The following KLHDC1 variants were observed in gnomAD, a reference collection of about 807,000 sequenced individuals.
KLHDC1 encodes kelch domain-containing protein 1.
KLHDC1 carries 53 observed loss-of-function variants against 68.3 expected under a neutral mutation model. The ratio of observed to expected loss-of-function variants is 0.78; its 90% CI spans 0.62 to 0.98. The LOEUF is 0.98. Ranked by LOEUF, KLHDC1 falls within the 50% of genes least tolerant of loss-of-function variation. The probability of loss-of-function intolerance (pLI) is 0.00; values close to 1 mark genes in which losing one functional copy is unlikely to be tolerated. For missense variants in KLHDC1, 470 were observed against 492.3 expected, an observed-to-expected ratio of 0.95 and a Z score of 0.43; for synonymous variants, 148 against 159.0, an observed-to-expected ratio of 0.93 and a Z score of 0.52.
chr14:49,698,590 A>G (rs1887810045), intron 1 of KLHDC1, among the ~76,000 whole-genome samples: 1 of 151,230 alleles, frequency 6.6e-6, no homozygotes, highest in Non-Finnish European at 1.5e-5. Flanking sequence ...ATCTCGGCTC[A>G]CTGCAACCTC....
At chr14:49,710,478 A>C in intron 4 of KLHDC1, 97 bp downstream of exon 4, 1 of 662,060 alleles carries the variant, frequency 1.5e-6, no homozygotes. Flanking sequence ...AGTTTTTTTC[A>C]GGATTGCAAT....
At chr14:49,721,043 A>C (rs958494154) in intron 4 of KLHDC1, among the ~76,000 whole-genome samples, 1 of 152,064 alleles carries the variant, frequency 6.6e-6, no homozygotes, top group African/African-American at 2.4e-5. Context: ...TCTTTCTGCT[A>C]TTAGTATCCT....
chr14:49,709,971 T>C, intron 3 of KLHDC1, 145 bp downstream of exon 3: 2 of 533,596 alleles, frequency 3.7e-6, no homozygotes, highest in Non-Finnish European at 6.5e-6. Context: ...GGGTTGAAAA[T>C]GCAGCAGTCC....
At chr14:49,745,388 C>T (rs1040008490) in intron 12 of KLHDC1, among the ~76,000 whole-genome samples, 1 of 152,176 alleles carries the variant, frequency 6.6e-6, no homozygotes, top group South Asian at 2.1e-4. Flanking sequence ...ATTGCAAGTT[C>T]CTCATATGCA....
intron 4 of KLHDC1, among the ~76,000 whole-genome samples, chr14:49,719,708 G>A (rs1317873385): frequency 1.3e-5 from 2 of 152,008 alleles, no homozygotes; most frequent in African/African-American, 4.8e-5. Context: ...TGGGATTACA[G>A]GCGTGAGCCA....
intron 1 of KLHDC1, among the ~76,000 whole-genome samples, chr14:49,701,098 A>G (rs1319509255): frequency 6.6e-6 from 1 of 152,048 alleles, no homozygotes; most frequent in East Asian, 1.9e-4. Context: ...AAAAAGAAAA[A>G]AGAAAAAAAC....
chr14:49,717,136 T>C (rs1888399794), intron 4 of KLHDC1, among the ~76,000 whole-genome samples: 1 of 152,208 alleles, frequency 6.6e-6, no homozygotes, highest in African/African-American at 2.4e-5. Context: ...TTGGGTTGTG[T>C]CTACCTTTTC....
chr14:49,721,104 C>T (rs1238049455), intron 4 of KLHDC1, among the ~76,000 whole-genome samples: 3 of 152,052 alleles, frequency 2.0e-5, no homozygotes, highest in Admixed American at 2.0e-4. Flanking sequence ...GTCTAGACCA[C>T]CTCTGAGTCT....
chr14:49,737,828 G>GCACTC (rs1888964809), intron 10 of KLHDC1, among the ~76,000 whole-genome samples: 1 of 138,386 alleles, frequency 7.2e-6, no homozygotes, highest in Admixed American at 8.0e-5. Flanking sequence ...TTGTGCCACT[G>GCACTC]CACTCCAGCC....
In KLHDC1 at chr14:49,693,198, G is replaced by A. The variant is rs1278164134; in HGVS notation, c.4G>A (p.Ala2Thr). The A allele has an allele frequency of 1.3e-6, 2 of 1,583,780 alleles. No homozygotes were observed. Among genetic ancestry groups the A allele is most frequent in the Non-Finnish European group, 1.7e-6 (2 of 1,166,804 alleles). The part of the protein sequence containing the change: M[A>T]DSQLFCVAEE... The stretch of plus-strand genomic sequence containing the variant: ...CGGCGGGCCAGCGACGGCGCGAATG[G>A]CGGACTCTCAGCTGTTCTGTGTGGC... Residue 2 changes from alanine (A) to threonine (T), a missense_variant, in exon 1 of 13, where the codon GCG (alanine) becomes ACG (threonine). Ala to Thr is a moderately conservative substitution (Grantham distance 58, BLOSUM62 0). Coordinates refer to ENST00000359332, the MANE Select transcript of KLHDC1 (RefSeq NM_172193.3).
chr14:49,749,982 C>T (rs779795878), intron 12 of KLHDC1, among the ~76,000 whole-genome samples: 54 of 152,262 alleles, frequency 3.5e-4, no homozygotes, highest in Non-Finnish European at 6.3e-4. Flanking sequence ...ATCGCTTGAA[C>T]CCAGGAGTGG....
chr14:49,714,620 G>GA (rs201844537), intron 4 of KLHDC1, among the ~76,000 whole-genome samples: 40 of 149,888 alleles, frequency 2.7e-4, no homozygotes, highest in Non-Finnish European at 7.4e-5. Context: ...CAAAAAGTAA[G>GA]AAAAAAAAAT....
intron 1 of KLHDC1, 87 bp downstream of exon 1, chr14:49,693,377 G>A (rs944755491): frequency 6.3e-5 from 65 of 1,033,316 alleles, no homozygotes; most frequent in Non-Finnish European, 7.8e-5. Flanking sequence ...CCGCTCCCGA[G>A]GCTGCGGCCC....
At chr14:49,699,688 T>G (rs1412318975) in intron 1 of KLHDC1, among the ~76,000 whole-genome samples, 1 of 152,188 alleles carries the variant, frequency 6.6e-6, no homozygotes, top group African/African-American at 2.4e-5. Flanking sequence ...ATTACTGATT[T>G]CTCCATTGTC....
At chr14:49,737,567 T>A (rs895636535) in intron 10 of KLHDC1, among the ~76,000 whole-genome samples, 4 of 151,954 alleles carry the variant, frequency 2.6e-5, no homozygotes, top group African/African-American at 9.7e-5. Flanking sequence ...GTTGGTATAT[T>A]AAGAAAAGTA....
chr14:49,723,507 C>T (rs67791841), intron 4 of KLHDC1, among the ~76,000 whole-genome samples: 14,577 of 152,126 alleles, frequency 0.096, 916 homozygotes, highest in Admixed American at 0.21. Context: ...CACTGCACTC[C>T]AGCCTGGGTG....
chr14:49,704,979 G>A (rs1240337512), intron 1 of KLHDC1, among the ~76,000 whole-genome samples: 1 of 152,130 alleles, frequency 6.6e-6, no homozygotes, highest in African/African-American at 2.4e-5. Context: ...GTGAGGGTGG[G>A]TGTGATACAA....
chr14:49,729,416 A>G, intron 7 of KLHDC1, 74 bp from the exon 8 acceptor site: 1 of 917,304 alleles, frequency 1.1e-6, no homozygotes, highest in Non-Finnish European at 1.8e-6. Context: ...TTTAATCTGA[A>G]CTTACTTTAA....
chr14:49,695,432 C>G (rs550515265), intron 1 of KLHDC1, among the ~76,000 whole-genome samples: 39 of 147,816 alleles, frequency 2.6e-4, no homozygotes, highest in Non-Finnish European at 4.8e-4. Flanking sequence ...TCTTGGGTGA[C>G]TAGGTGTGTT....
Sources: allele counts gnomAD v4.1 joint callset (sites outside exome capture counted in the v4.1 genomes callset), GRCh38; gene constraint gnomAD v4.1.1; transcripts MANE v1.5; gene names NCBI Gene and HGNC (gene_info 2026-07-23, HGNC 2026-07-21).